The following TMEM8B variants were observed in gnomAD, a reference collection of about 807,000 sequenced individuals.
TMEM8B encodes transmembrane protein 8B, also known as nasopharyngeal carcinoma expressed 6.
TMEM8B carries 29 observed loss-of-function variants against 49.3 expected under a neutral mutation model. The observed-to-expected ratio is 0.59, with a 90% CI of 0.44 to 0.80. The LOEUF is 0.80. TMEM8B is among the 30% of genes least tolerant of loss of function. The pLI is 0.00. For synonymous variants in TMEM8B, 264 were observed against 272.8 expected, an observed-to-expected ratio of 0.97 and a Z score of 0.32; for missense variants, 575 against 658.5, an observed-to-expected ratio of 0.87 and a Z score of 1.39.
At chr9:35,849,188 T>C (rs569440810) in intron 10 of TMEM8B, among the ~76,000 whole-genome samples, 1 of 152,320 alleles carries the variant, frequency 6.6e-6, no homozygotes, top group African/African-American at 2.4e-5. Context: ...ATTGGTCAAA[T>C]TGCAGTTGTC....
At position 35,846,362 on chromosome 9, in the gene TMEM8B, C is replaced by T. The variant is rs757314195; in HGVS notation, c.1834C>T (p.Leu612=). ...GACCTGGTTCCTGGCCCTCCGCTCC[C>T]TGTGCGGGGTGGGGCCTCGGTGAGC... The part of the protein sequence containing the change: ...TGTWFLALRS[L]CGVGPRFVRC... Residue 612 remains leucine, a synonymous_variant, in exon 8 of 13, where the codon CTG becomes TTG. Transcript: ENST00000643932. The T allele has an allele frequency of 3.1e-6, 5 of 1,613,654 alleles. No homozygotes were observed. The highest frequency in any genetic ancestry group is 1.6e-4 in the Middle Eastern group (1 of 6,062).
chr9:35,846,754 G>A, intron 9 of TMEM8B, 63 bp from the exon 10 acceptor site: 1 of 1,557,988 alleles, frequency 6.4e-7, no homozygotes, highest in Non-Finnish European at 8.7e-7. Context: ...CCCTCCACAA[G>A]CTGTGGCGTA....
rs750787953 is a variant in TMEM8B, at chr9:35,846,899, G to A, written c.2079G>A (p.Leu693=). The A allele has an allele frequency of 2.5e-6, 4 of 1,614,248 alleles. No homozygotes were observed. Among genetic ancestry groups the A allele is most frequent in the Non-Finnish European group, 3.4e-6 (4 of 1,180,054 alleles). Residue 693 remains leucine, a synonymous_variant, in exon 10 of 13, where the codon CTG becomes CTA. Coordinates refer to ENST00000643932, the MANE Select transcript of TMEM8B (RefSeq NM_001042590.4). ...FQLLSTLLLC[L]SNLMFLPPVV... ...TGCTGTCCACACTCCTGCTCTGCCT[G>A]AGCAACCTCATGTTTCTGCCACCTG...
At chr9:35,834,751 G>T (rs375569374) in intron 2 of TMEM8B, 101 bp downstream of exon 2, 1 of 411,694 alleles carries the variant, frequency 2.4e-6, no homozygotes, top group African/African-American at 2.1e-5. Flanking sequence ...ACCCCAACCC[G>T]CGTCCAGATT....
Position 35,841,179 on chromosome 9 carries a change from G to T in TMEM8B, c.952G>T (p.Val318Phe). ...CQYLLQPQLI[V>F]RRLLDVAVLV... is the part of the protein sequence containing the mutation. ...GTACCTCCTTCAGCCGCAGCTGATT[G>T]TCCGGCGTTTGCTGGACGTCGCTGT... is the stretch of plus-strand genomic sequence containing the variant. Residue 318 changes from valine to phenylalanine, a missense_variant, in exon 4 of 13, where the codon GTC (valine) becomes TTC (phenylalanine). By Grantham distance (50) the Val-to-Phe change is conservative. Transcript: ENST00000643932. The surrounding 1 kb of genome is among the most constrained non-coding windows in gnomAD (Gnocchi z 5.9). 2.4e-6 allele frequency: 1 copy of T among 416,068 alleles called. No individual in the cohort carries two copies. The allele number at this position is 416,068 out of a possible 1,614,324, so 25.8% of individuals were successfully genotyped here.
intron 1 of TMEM8B, among the ~76,000 whole-genome samples, chr9:35,833,827 A>T (rs1014693890): frequency 5.3e-5 from 8 of 152,084 alleles, no homozygotes; most frequent in African/African-American, 1.9e-4. Flanking sequence ...TGGCAGCCGT[A>T]CCACACTTTC....
intron 3 of TMEM8B, among the ~76,000 whole-genome samples, chr9:35,836,049 C>T (rs1017854977): frequency 5.3e-5 from 8 of 152,078 alleles, no homozygotes; most frequent in Non-Finnish European, 1.0e-4. Context: ...GGTGAAGAAA[C>T]GAGCAAGAAC....
chr9:35,846,699 G>A, intron 9 of TMEM8B, 88 bp downstream of exon 9: 5 of 1,544,058 alleles, frequency 3.2e-6, no homozygotes, highest in Non-Finnish European at 3.5e-6. Context: ...AGGGGAGTGC[G>A]CAGCCTGAAT....
chr9:35,856,535 A>T lies in TMEM8B; in HGVS notation c.*2695A>T, dbSNP rs1832552728. 6.6e-6 allele frequency: 1 copy of T among 152,282 alleles called. No individual in the cohort carries two copies. The allele number at this position is 152,282 out of a possible 1,614,324, so 9.4% of individuals were successfully genotyped here. ...TGGAGAGATTAAGCAGGAGAGGAAC[A>T]TCAGATTGGGGTTTTGATGGCTGGG... is the stretch of plus-strand genomic sequence containing the variant. On this transcript the variant is annotated 3_prime_UTR_variant, in exon 13 of 13. Coordinates refer to ENST00000643932, the MANE Select transcript of TMEM8B (RefSeq NM_001042590.4).
At chr9:35,847,587 A>T (rs138503728) in intron 10 of TMEM8B, among the ~76,000 whole-genome samples, 1 of 152,194 alleles carries the variant, frequency 6.6e-6, no homozygotes, top group Non-Finnish European at 1.5e-5. Context: ...GGATCTCTCT[A>T]TTGGGGGATT....
intron 3 of TMEM8B, among the ~76,000 whole-genome samples, chr9:35,838,317 T>A (rs1456895599): frequency 6.6e-6 from 1 of 152,066 alleles, no homozygotes; most frequent in African/African-American, 2.4e-5. Flanking sequence ...GTCCCCTATA[T>A]TACTCTTTTC....
chr9:35,835,033 CCT>C lies in TMEM8B; in HGVS notation c.722_723del (p.Pro241ArgfsTer36), dbSNP rs1830313216. 2.4e-6 allele frequency: 1 copy of C among 415,782 alleles called. No homozygotes were observed. The allele number at this position is 415,782 out of a possible 1,614,324, so 25.8% of individuals were successfully genotyped here. On this transcript the variant is annotated frameshift_variant, in exon 3 of 13. Coordinates refer to ENST00000643932, the MANE Select transcript of TMEM8B (RefSeq NM_001042590.4). LOFTEE classifies it high-confidence loss of function. ...CAGGTATTTCCGGTCCGGGGCACCCCCTGTCATCAATCCCCTGCATACACACT... is the reference window on the plus strand; with the variant it reads ...CAGGTATTTCCGGTCCGGGGCACCCCGTCATCAATCCCCTGCATACACACT... ...VTVYFRSGAP[P>X]VINPLHTHFP... is the part of the protein sequence containing the mutation.
chr9:35,844,296 A>G (rs1327240880), intron 6 of TMEM8B, among the ~76,000 whole-genome samples: 1 of 152,206 alleles, frequency 6.6e-6, no homozygotes, highest in Non-Finnish European at 1.5e-5. Context: ...TGCAAAGCCA[A>G]CTTTTTGTAC....
intron 3 of TMEM8B, among the ~76,000 whole-genome samples, chr9:35,839,251 C>T (rs1255242940): frequency 6.6e-6 from 1 of 152,224 alleles, no homozygotes; most frequent in Admixed American, 6.5e-5. Flanking sequence ...GATCTTTCAG[C>T]CTGTAGCCCA....
In TMEM8B at chr9:35,846,268, C is replaced by A; in HGVS notation, c.1740C>A (p.Ala580=). ...AAVTCSKESL[A]GFLLSVSATT... is the part of the protein sequence containing the mutation. ...TCCTTCTCCCTTCAGAGTCCCTGGC[C>A]GGCTTCCTCCTCTCTGTCAGTGCCA... The change falls in exon 8 of 13, where the codon GCC becomes GCA. Residue 580 remains alanine (A), a synonymous_variant. Transcript: ENST00000643932. The A allele has an allele frequency of 6.2e-7, 1 of 1,614,218 alleles. No homozygotes were observed. The highest frequency in any genetic ancestry group is 1.6e-4 in the Middle Eastern group (1 of 6,062).
Position 35,841,279 on chromosome 9 carries a change from A to C in TMEM8B, c.1040+12A>C. The stretch of plus-strand genomic sequence containing the variant: ...TCAGCCCTGTACAAGTAAGTCAAAG[A>C]CTCCCCACACCTGGTCCTTTCCCTC... On this transcript the variant is annotated intron_variant, in intron 4 of 12. Coordinates refer to ENST00000643932, the MANE Select transcript of TMEM8B (RefSeq NM_001042590.4). The surrounding 1 kb of genome is among the most constrained non-coding windows in gnomAD (Gnocchi z 5.9). The C allele has an allele frequency of 2.4e-6, 1 of 415,308 alleles. No individual in the cohort carries two copies. The highest frequency in any genetic ancestry group is 3.1e-4 in the Middle Eastern group (1 of 3,224). 25.7% of individuals were successfully genotyped at this position (415,308 alleles called of 1,614,324 possible).
In TMEM8B at chr9:35,862,143, C is replaced by T. The variant is rs1268047941; in HGVS notation, c.*8303C>T. 1.3e-5 allele frequency: 2 copies of T among 152,220 alleles called. No individual in the cohort carries two copies. The highest frequency in any genetic ancestry group is 6.5e-5 in the Admixed American group (1 of 15,286). The allele number at this position is 152,220 out of a possible 1,614,324, so 9.4% of individuals were successfully genotyped here. Reference sequence around the variant, plus strand: ...TATTGAGCACCTACTATGTGTTAGGCCCTGGGCCAGGTGCTGGGAATACAG... The same window carrying T: ...TATTGAGCACCTACTATGTGTTAGGTCCTGGGCCAGGTGCTGGGAATACAG... On this transcript the variant is annotated 3_prime_UTR_variant, in exon 13 of 13. Transcript: ENST00000643932.
chr9:35,839,749 A>C (rs954569398), intron 3 of TMEM8B, among the ~76,000 whole-genome samples: 1 of 152,170 alleles, frequency 6.6e-6, no homozygotes. Flanking sequence ...GGGTCAGTGC[A>C]GTGACTTATG....
In TMEM8B at chr9:35,841,577, G is replaced by T. The variant is rs560471392; in HGVS notation, c.1092G>T (p.Val364=). ...TYRVSAQLVC[V]GGRGVSACPL... ...GGGTTTCAGCACAGCTGGTGTGTGT[G>T]GGGGGCCGTGGGGTATCTGCCTGCC... Residue 364 remains valine, a synonymous_variant, in exon 5 of 13, where the codon GTG becomes GTT. Transcript: ENST00000643932. The surrounding 1 kb of genome is among the most constrained non-coding windows in gnomAD (Gnocchi z 5.9). The T allele has an allele frequency of 4.8e-6, 2 of 416,590 alleles. No homozygotes were observed. The highest frequency in any genetic ancestry group is 2.1e-5 in the African/African-American group (1 of 48,690). 25.8% of individuals were successfully genotyped at this position (416,590 alleles called of 1,614,324 possible).
Sources: allele counts gnomAD v4.1 joint callset (sites outside exome capture counted in the v4.1 genomes callset), GRCh38; gene constraint gnomAD v4.1.1; non-coding constraint Gnocchi (gnomAD v3.1); transcripts MANE v1.5; gene names NCBI Gene and HGNC (gene_info 2026-07-23, HGNC 2026-07-21).